Variants in JAKMIP1 observed in about 807,000 individuals in gnomAD.
JAKMIP1 encodes janus kinase and microtubule-interacting protein 1.
Under a neutral mutation model 113.0 loss-of-function variants are expected in JAKMIP1, and 33 were observed. The ratio of observed to expected loss-of-function variants is 0.29; its 90% confidence interval spans 0.22 to 0.39. The LOEUF is 0.39. JAKMIP1 is among the 10% of genes least tolerant of loss of function. The pLI is 1.00. For missense variants in JAKMIP1, 813 were observed against 1,080.5 expected (o/e 0.75, Z 3.47); for synonymous variants, 480 against 459.9 (o/e 1.04, Z -0.56).
Position 6,136,286 on chromosome 4 carries a change from C to T in JAKMIP1, c.-147-23289G>A, listed in dbSNP as rs550108411. 1.3e-5 allele frequency among the ~76,000 whole-genome samples: 2 copies of T among 152,180 alleles called. No individual in the cohort carries two copies. Among genetic ancestry groups the T allele is most frequent in the African/African-American group, 2.4e-5 (1 of 41,552 alleles). ...AAATAACATGTACCAAAGTGCTTGA[C>T]GTCTAAATGCAGGCATCTGTGAATC... On this transcript the variant is annotated intron_variant, in intron 1 of 20. Transcript: ENST00000409021. This position sits in a 1 kb window ranked among gnomAD's most constrained non-coding sequence, Gnocchi z 5.9.
At chr4:6,052,850 G>A (rs1006935039) in intron 13 of JAKMIP1, among the ~76,000 whole-genome samples, 3 of 151,948 alleles carry the variant, frequency 2.0e-5, no homozygotes, top group Non-Finnish European at 2.9e-5. Context: ...CAATTCTGTC[G>A]CACAAATAAA....
rs987970946 is a variant in JAKMIP1 at position 6,044,721 on chromosome 4, C to T, written c.2029-2494G>A. Among the ~76,000 whole-genome samples, 8 of 152,168 alleles carry T rather than the reference C, an allele frequency of 5.3e-5. No individual in the cohort carries two copies. Among genetic ancestry groups the T allele is most frequent in the South Asian group, 2.1e-4 (1 of 4,830 alleles). On this transcript the variant is annotated intron_variant, in intron 16 of 20. Transcript: ENST00000409021. The surrounding 1 kb of genome is among the most constrained non-coding windows in gnomAD (Gnocchi z 4.4). The stretch of plus-strand genomic sequence containing the variant: ...CAGTGTTGAGATTTGTTGCTGCTGT[C>T]GTTTAAAAAATTGCATATAAAAAAT...
At chr4:6,130,844 A>G (rs141098127) in intron 1 of JAKMIP1, among the ~76,000 whole-genome samples, 50 of 152,266 alleles carry the variant, frequency 3.3e-4, no homozygotes, top group Non-Finnish European at 6.5e-4. Flanking sequence ...AAAGCAATGA[A>G]AAAAAAGACT....
rs1721961662 is a variant in JAKMIP1 at position 6,154,258 on chromosome 4, G to C, written c.-147-41261C>G. ...ACGTGCAGAGAGGCTGCACTGGGGA[G>C]AGTTGCTCCTATTTTAGGCCATTGA... On this transcript the variant is annotated intron_variant, in intron 1 of 20. Coordinates refer to ENST00000409021, the MANE Select transcript of JAKMIP1 (RefSeq NM_001099433.2). This position sits in a 1 kb window ranked among gnomAD's most constrained non-coding sequence, Gnocchi z 4.2. Among the ~76,000 whole-genome samples, 1 of 152,208 alleles carries C rather than the reference G, an allele frequency of 6.6e-6. No individual in the cohort carries two copies. The highest frequency in any genetic ancestry group is 2.4e-5 in the African/African-American group (1 of 41,450).
At position 6,179,985 on chromosome 4, in the gene JAKMIP1, C is replaced by G. The variant is rs1245720310; in HGVS notation, c.-148+20268G>C. On this transcript the variant is annotated intron_variant, in intron 1 of 20. Transcript: ENST00000409021. This position sits in a 1 kb window ranked among gnomAD's most constrained non-coding sequence, Gnocchi z 4.5. The stretch of plus-strand genomic sequence containing the variant: ...TCTGTTTTGTTTTCTATCCCTAGGA[C>G]CAGCAGCATGCCTGACATCCTCTTA... Among the ~76,000 whole-genome samples the G allele has an allele frequency of 6.6e-6, 1 of 152,192 alleles. No homozygotes were observed. Among genetic ancestry groups the G allele is most frequent in the Non-Finnish European group, 1.5e-5 (1 of 68,044 alleles).
At chr4:6,110,637 A>G (rs1714772522) in intron 2 of JAKMIP1, among the ~76,000 whole-genome samples, 1 of 142,700 alleles carries the variant, frequency 7.0e-6, no homozygotes, top group Admixed American at 7.4e-5. Flanking sequence ...TGAGCGTATG[A>G]CAGGCAGCAC....
At chr4:6,133,520 T>C (rs763230918) in intron 1 of JAKMIP1, among the ~76,000 whole-genome samples, 1 of 152,194 alleles carries the variant, frequency 6.6e-6, no homozygotes, top group African/African-American at 2.4e-5. Context: ...GCAGATTCAT[T>C]CATCTCCCCT....
intron 1 of JAKMIP1, among the ~76,000 whole-genome samples, chr4:6,130,291 C>T (rs569014292): frequency 7.2e-4 from 110 of 152,340 alleles, no homozygotes; most frequent in Non-Finnish European, 1.1e-3. Context: ...GCATGACTCC[C>T]GTCTAAATAA....
intron 1 of JAKMIP1, among the ~76,000 whole-genome samples, chr4:6,120,360 T>C (rs528301724): frequency 6.6e-6 from 1 of 152,296 alleles, no homozygotes; most frequent in East Asian, 1.9e-4. Flanking sequence ...AAATTTATTC[T>C]AAGGAAGCAA....
At chr4:6,041,961 T>A in intron 17 of JAKMIP1, among the ~76,000 whole-genome samples, 198 bp downstream of exon 17, 1 of 152,128 alleles carries the variant, frequency 6.6e-6, no homozygotes, top group East Asian at 1.9e-4. Context: ...GCTCTGAAAA[T>A]ATGTATTCGA....
rs1719713964 is a variant in JAKMIP1, at chr4:6,139,105, C to T, written c.-147-26108G>A. Among the ~76,000 whole-genome samples the T allele has an allele frequency of 6.6e-6, 1 of 151,532 alleles. No individual in the cohort carries two copies. The highest frequency in any genetic ancestry group is 1.5e-5 in the Non-Finnish European group (1 of 67,864). On this transcript the variant is annotated intron_variant, in intron 1 of 20. Coordinates refer to ENST00000409021, the MANE Select transcript of JAKMIP1 (RefSeq NM_001099433.2). This position sits in a 1 kb window ranked among gnomAD's most constrained non-coding sequence, Gnocchi z 5.2. ...ACACATATACACACACACACACACA[C>T]CAGCAGGTCAGCCCTGCTCTCCTCT...
Position 6,142,964 on chromosome 4 carries a change from C to T in JAKMIP1, c.-147-29967G>A. Among the ~76,000 whole-genome samples, 1 of 152,164 alleles carries T rather than the reference C, an allele frequency of 6.6e-6. No homozygotes were observed. On this transcript the variant is annotated intron_variant, in intron 1 of 20. Coordinates refer to ENST00000409021, the MANE Select transcript of JAKMIP1 (RefSeq NM_001099433.2). The surrounding 1 kb of genome is among the most constrained non-coding windows in gnomAD (Gnocchi z 5.5). ...TGTGTGTGTGTTTGTGGCCTCTCATCTCTGACTATACTATCAATATGAAAA... is the reference window on the plus strand; with the variant it reads ...TGTGTGTGTGTTTGTGGCCTCTCATTTCTGACTATACTATCAATATGAAAA...
intron 16 of JAKMIP1, among the ~76,000 whole-genome samples, chr4:6,048,529 A>G (rs554239954): frequency 6.6e-6 from 1 of 152,358 alleles, no homozygotes; most frequent in South Asian, 2.1e-4. Context: ...GGATGTTTCT[A>G]AAGCCTGATG....
At chr4:6,055,029 C>T (rs1716183759) in intron 12 of JAKMIP1, among the ~76,000 whole-genome samples, 1 of 131,842 alleles carries the variant, frequency 7.6e-6, no homozygotes, top group South Asian at 2.3e-4. Context: ...ATGCCCTTGT[C>T]CCAAATGCCC....
intron 1 of JAKMIP1, among the ~76,000 whole-genome samples, chr4:6,174,569 G>C (rs1725115025): frequency 6.6e-6 from 1 of 152,170 alleles, no homozygotes; most frequent in Admixed American, 6.5e-5. Context: ...AACAGGCCTG[G>C]GCTCGCAGCT....
intron 1 of JAKMIP1, among the ~76,000 whole-genome samples, chr4:6,170,032 TCACCACCAC>T (rs1177725000): frequency 1.3e-5 from 1 of 75,738 alleles, no homozygotes; most frequent in Non-Finnish European, 2.5e-5. Flanking sequence ...CACATTCCCA[TCACCACCAC>T]CACCACCATC....
At chr4:6,189,684 A>G (rs1187516137) in intron 1 of JAKMIP1, among the ~76,000 whole-genome samples, 11 of 152,228 alleles carry the variant, frequency 7.2e-5, no homozygotes, top group African/African-American at 2.7e-4. Context: ...CAGCTGCAAT[A>G]CACAGTGGCT....
rs1278289297 is a variant in JAKMIP1, at chr4:6,088,169, G to A, written c.625-2540C>T. On this transcript the variant is annotated intron_variant, in intron 3 of 20. Transcript: ENST00000409021. This position sits in a 1 kb window ranked among gnomAD's most constrained non-coding sequence, Gnocchi z 5.5. Reference sequence around the variant, plus strand: ...CATTAGAGAGCAAAAGAGACCAGCCGCCCTGCCCTAGGGGCTTCTATTCTG... The same window carrying A: ...CATTAGAGAGCAAAAGAGACCAGCCACCCTGCCCTAGGGGCTTCTATTCTG... Among the ~76,000 whole-genome samples, 4 of 152,200 alleles carry A rather than the reference G, an allele frequency of 2.6e-5. No individual in the cohort carries two copies. The highest frequency in any genetic ancestry group is 7.2e-5 in the African/African-American group (3 of 41,424).
intron 1 of JAKMIP1, among the ~76,000 whole-genome samples, chr4:6,149,281 G>C (rs1015920468): frequency 6.6e-5 from 10 of 152,192 alleles, no homozygotes; most frequent in African/African-American, 2.4e-4. Context: ...TTTCAGAAGA[G>C]AAGACACAAT....
Sources: allele counts gnomAD v4.1 joint callset (sites outside exome capture counted in the v4.1 genomes callset), GRCh38; gene constraint gnomAD v4.1.1; non-coding constraint Gnocchi (gnomAD v3.1); transcripts MANE v1.5; gene names NCBI Gene and HGNC (gene_info 2026-07-23, HGNC 2026-07-21).